PRUNE2: variants seen among roughly 807,000 people sequenced by gnomAD.
The protein encoded by PRUNE2 is prune homolog 2 with BCH domain.
In PRUNE2, 164 loss-of-function variants were observed where a neutral mutation model predicts 252.0. That is an observed-to-expected ratio of 0.65 (90% CI 0.57 to 0.74). PRUNE2 has a LOEUF of 0.74. Ranked by LOEUF, PRUNE2 falls within the 30% of genes least tolerant of loss-of-function variation. PRUNE2 has a pLI of 0.00. For synonymous variants in PRUNE2, 1,292 were observed against 1,350.2 expected, an observed-to-expected ratio of 0.96 and a Z score of 0.94; for missense variants, 3,495 against 3,711.0, an observed-to-expected ratio of 0.94 and a Z score of 1.51.
intron 3 of PRUNE2, among the ~76,000 whole-genome samples, chr9:76,850,225 T>A (rs964893469): frequency 2.6e-5 from 4 of 152,162 alleles, no homozygotes; most frequent in Non-Finnish European, 5.9e-5. Context: ...TTTCGTATTT[T>A]TAGTAGAGAC....
chr9:76,646,379 C>CTTAGATAG (rs1298548049), intron 11 of PRUNE2, among the ~76,000 whole-genome samples: 2 of 152,350 alleles, frequency 1.3e-5, no homozygotes, highest in African/African-American at 2.4e-5. Flanking sequence ...TTACCAGTGA[C>CTTAGATAG]TTAGATAGCA....
At chr9:76,837,879 C>G (rs1249261567) in intron 4 of PRUNE2, among the ~76,000 whole-genome samples, 1 of 151,006 alleles carries the variant, frequency 6.6e-6, no homozygotes, top group Non-Finnish European at 1.5e-5. Context: ...TCACGCCATT[C>G]TCCTGCCTCA....
Position 76,705,687 on chromosome 9 carries a change from T to A in PRUNE2, c.6587A>T (p.Asn2196Ile). ...TTGTAAACCTGTACTGTTGTCACCG[T>A]TTATTTCAGAAGGTTCAGGTGAACC... is the stretch of plus-strand genomic sequence containing the variant. Reference protein sequence around the residue: ...HKGSPEPSEINGDNSTGLQVS... With the variant: ...HKGSPEPSEIIGDNSTGLQVS... Residue 2196 changes from asparagine to isoleucine, a missense_variant, in exon 8 of 19, where the codon AAC (asparagine) becomes ATC (isoleucine). By Grantham distance (149) the Asn-to-Ile change is moderately radical (BLOSUM62 -3). Transcript: ENST00000376718. 1 of 1,613,970 alleles carries A rather than the reference T, an allele frequency of 6.2e-7. No homozygotes were observed. The highest frequency in any genetic ancestry group is 8.5e-7 in the Non-Finnish European group (1 of 1,179,878).
intron 6 of PRUNE2, among the ~76,000 whole-genome samples, chr9:76,806,309 A>C (rs1248680018): frequency 6.6e-6 from 1 of 152,204 alleles, no homozygotes; most frequent in Non-Finnish European, 1.5e-5. Flanking sequence ...AATCAGGATA[A>C]AAGCAAGTAA....
intron 1 of PRUNE2, among the ~76,000 whole-genome samples, chr9:76,858,079 C>T (rs903745704): frequency 6.6e-6 from 1 of 152,092 alleles, no homozygotes; most frequent in African/African-American, 2.4e-5. Context: ...ACAAATCATG[C>T]CCAAATAAAA....
intron 6 of PRUNE2, among the ~76,000 whole-genome samples, chr9:76,806,544 G>T: frequency 7.2e-6 from 1 of 139,696 alleles, no homozygotes. Context: ...GTTTCGCCCT[G>T]TCGCCCAGGC....
chr9:76,703,622 G>A lies in PRUNE2; in HGVS notation c.7991C>T (p.Ser2664Phe). Residue 2664 changes from serine (S) to phenylalanine (F), a missense_variant, in exon 9 of 19, where the codon TCT becomes TTT. Ser to Phe is a radical substitution (Grantham distance 155). Coordinates refer to ENST00000376718, the MANE Select transcript of PRUNE2 (RefSeq NM_015225.3). ...GGGACCCTCACCCAAGCCGAGTTCA[G>A]AGAACGGCTCCACAGTCTTGCCAGA... ...GWSGKTVEPF[S>F]ELGLGEGPQL... 6.2e-7 allele frequency: 1 copy of A among 1,612,608 alleles called. No individual in the cohort carries two copies. Among genetic ancestry groups the A allele is most frequent in the Non-Finnish European group, 8.5e-7 (1 of 1,179,884 alleles).
intron 6 of PRUNE2, among the ~76,000 whole-genome samples, chr9:76,802,338 T>C (rs1589301249): frequency 6.6e-6 from 1 of 152,268 alleles, no homozygotes; most frequent in East Asian, 1.9e-4. Flanking sequence ...TATGCAGCCA[T>C]TGAAATGAAT....
chr9:76,684,363 C>G (rs1412714689), intron 9 of PRUNE2, among the ~76,000 whole-genome samples: 1 of 152,126 alleles, frequency 6.6e-6, no homozygotes, highest in Non-Finnish European at 1.5e-5. Flanking sequence ...AGCACGGTTT[C>G]TCAGAGACAA....
intron 4 of PRUNE2, among the ~76,000 whole-genome samples, chr9:76,835,440 AAAG>A (rs1275983380): frequency 6.6e-6 from 1 of 152,160 alleles, no homozygotes; most frequent in Non-Finnish European, 1.5e-5. Context: ...AGAGGTATAA[AAAG>A]AAGCCTCTTT....
chr9:76,633,088 G>A (rs1838429698), intron 15 of PRUNE2, among the ~76,000 whole-genome samples: 1 of 152,070 alleles, frequency 6.6e-6, no homozygotes, highest in Non-Finnish European at 1.5e-5. Flanking sequence ...CAGGTGTGGT[G>A]GCACATGCCT....
intron 15 of PRUNE2, 133 bp from the exon 16 acceptor site, chr9:76,629,423 T>C (rs1407297143): frequency 1.8e-6 from 1 of 541,426 alleles, no homozygotes; most frequent in East Asian, 3.1e-5. Flanking sequence ...CTAACATTAT[T>C]TGACGAGTTA....
intron 6 of PRUNE2, among the ~76,000 whole-genome samples, chr9:76,757,963 T>C (rs2051313536): frequency 6.6e-6 from 1 of 152,220 alleles, no homozygotes; most frequent in Non-Finnish European, 1.5e-5. Context: ...ACATAAAACA[T>C]CATTTGAAAG....
chr9:76,752,063 A>T (rs9314855), intron 6 of PRUNE2, among the ~76,000 whole-genome samples: 100,136 of 151,312 alleles, frequency 0.66, 33,867 homozygotes, highest in East Asian at 0.84. Context: ...AGCTATTTAG[A>T]TCAACGACTG....
intron 9 of PRUNE2, among the ~76,000 whole-genome samples, chr9:76,671,459 A>C (rs1337881680): frequency 6.6e-6 from 1 of 151,600 alleles, no homozygotes. Context: ...GGAGAATGGA[A>C]CCAAGTTGGA....
At chr9:76,852,956 C>A (rs765482753) in intron 2 of PRUNE2, among the ~76,000 whole-genome samples, 3 of 152,056 alleles carry the variant, frequency 2.0e-5, no homozygotes, top group Non-Finnish European at 4.4e-5. Context: ...TTGAAGTCCA[C>A]GCCACTATCA....
At position 76,710,366 on chromosome 9, in the gene PRUNE2, T is replaced by C; in HGVS notation, c.1908A>G (p.Gln636=). 6.2e-7 allele frequency: 1 copy of C among 1,613,980 alleles called. No homozygotes were observed. The highest frequency in any genetic ancestry group is 8.5e-7 in the Non-Finnish European group (1 of 1,179,884). ...CCATGTGACCTGTGTCAGTTGCTTT[T>C]TGGGTCATATCTTCTGTATAGAGTG... ...PASLYTEDMT[Q]KATDTGHMGP... The change falls in exon 8 of 19, where the codon CAA becomes CAG. Residue 636 remains glutamine, a synonymous_variant. Coordinates refer to ENST00000376718, the MANE Select transcript of PRUNE2 (RefSeq NM_015225.3).
chr9:76,682,301 T>C (rs1253744125), intron 9 of PRUNE2, among the ~76,000 whole-genome samples: 1 of 151,192 alleles, frequency 6.6e-6, no homozygotes, highest in East Asian at 1.9e-4. Context: ...GAATTATATA[T>C]GATAGAAAAT....
intron 7 of PRUNE2, 44 bp downstream of exon 7, chr9:76,713,519 G>A (rs771060503): frequency 9.7e-6 from 15 of 1,553,704 alleles, no homozygotes; most frequent in Admixed American, 1.8e-5. Context: ...AGAGCCAGCA[G>A]GTTAGGACAG....
Sources: allele counts gnomAD v4.1 joint callset (sites outside exome capture counted in the v4.1 genomes callset), GRCh38; gene constraint gnomAD v4.1.1; transcripts MANE v1.5; gene names NCBI Gene and HGNC (gene_info 2026-07-23, HGNC 2026-07-21).